Variants in UNC13C observed in about 807,000 individuals in gnomAD.
UNC13C encodes protein unc-13 homolog C.
A neutral mutation model predicts 245.4 loss-of-function variants in UNC13C; 174 were observed. The ratio of observed to expected loss-of-function variants is 0.71; its 90% CI spans 0.63 to 0.80. The LOEUF is 0.80. Ranked by LOEUF, UNC13C falls within the 30% of genes least tolerant of loss-of-function variation. The pLI, the probability that UNC13C is intolerant of heterozygous loss-of-function variation, is 0.00. For synonymous variants in UNC13C, 992 were observed against 895.1 expected, an observed-to-expected ratio of 1.11 and a Z score of -1.93; for missense variants, 2,829 against 2,602.9, an observed-to-expected ratio of 1.09 and a Z score of -1.89.
the UNC13C span, among the ~76,000 whole-genome samples, chr15:53,879,582 C>T: frequency 4.0e-5 from 6 of 151,762 alleles, no homozygotes; most frequent in African/African-American, 1.5e-4. Context: ...TAAGTAAATG[C>T]TAATTCTCTC....
chr15:54,158,325 CT>C (rs942870162), intron 4 of UNC13C, among the ~76,000 whole-genome samples: 3 of 151,774 alleles, frequency 2.0e-5, no homozygotes, highest in South Asian at 2.1e-4. Context: ...GTCATTTACT[CT>C]TTTTTTTAAT....
At chr15:54,078,314 T>C (rs899620346) in intron 2 of UNC13C, among the ~76,000 whole-genome samples, 27 of 152,216 alleles carry the variant, frequency 1.8e-4, no homozygotes, top group Non-Finnish European at 3.1e-4. Flanking sequence ...CCGGCTATAT[T>C]TTTTTATAGA....
chr15:54,321,877 C>T, intron 13 of UNC13C, 62 bp from the exon 14 acceptor site: 3 of 1,458,384 alleles, frequency 2.1e-6, no homozygotes, highest in Non-Finnish European at 2.8e-6. Context: ...GTTAGAAGCT[C>T]TGTTGTTGTA....
the UNC13C span, among the ~76,000 whole-genome samples, chr15:53,862,024 G>A: frequency 6.6e-6 from 1 of 152,056 alleles, no homozygotes; most frequent in African/African-American, 2.4e-5. Flanking sequence ...TGCTTGGGCT[G>A]CTATAACAAA....
At chr15:54,274,689 T>TTTTTTTTA (rs56875389) in intron 10 of UNC13C, among the ~76,000 whole-genome samples, 4 of 148,224 alleles carry the variant, frequency 2.7e-5, no homozygotes, top group East Asian at 2.0e-4. Context: ...TTTTTTTTTT[T>TTTTTTTTA]GAGACGGAGT....
At chr15:53,920,432 T>C in the UNC13C span, among the ~76,000 whole-genome samples, 1 of 152,096 alleles carries the variant, frequency 6.6e-6, no homozygotes, top group Admixed American at 6.5e-5. Context: ...TGTGTGCCTG[T>C]AATCTCAGCT....
chr15:54,123,928 T>C (rs2030854206), intron 2 of UNC13C, among the ~76,000 whole-genome samples: 2 of 152,188 alleles, frequency 1.3e-5, no homozygotes, highest in South Asian at 4.1e-4. Context: ...TCCATGACTA[T>C]TATATAAATG....
chr15:54,114,138 G>A (rs998112775), intron 2 of UNC13C, among the ~76,000 whole-genome samples: 1 of 151,692 alleles, frequency 6.6e-6, no homozygotes, highest in African/African-American at 2.4e-5. Flanking sequence ...TAGAAAGCAT[G>A]ATGTTACCTC....
At position 54,628,461 on chromosome 15, in the gene UNC13C, G is replaced by A. The variant is rs773313369; in HGVS notation, c.*1348G>A. 13 of 152,574 alleles carry A rather than the reference G, an allele frequency of 8.5e-5. No homozygotes were observed. The highest frequency in any genetic ancestry group is 2.0e-4 in the Admixed American group (3 of 15,258). The allele number at this position is 152,574 out of a possible 1,614,324, so 9.5% of individuals were successfully genotyped here. On this transcript the variant is annotated 3_prime_UTR_variant, in exon 33 of 33. Coordinates refer to ENST00000260323, the MANE Select transcript of UNC13C (RefSeq NM_001080534.3). ...TGACTGTCAGAACCATTCTGCAACT[G>A]AGTATGAAATCACAGACCAGTGAGG...
intron 10 of UNC13C, among the ~76,000 whole-genome samples, chr15:54,271,473 C>T (rs1304891642): frequency 6.6e-6 from 1 of 152,160 alleles, no homozygotes; most frequent in Non-Finnish European, 1.5e-5. Context: ...ACAAGTAAGT[C>T]TCTCTCAGTG....
the UNC13C span, among the ~76,000 whole-genome samples, chr15:53,904,542 C>T: frequency 6.6e-6 from 1 of 152,024 alleles, no homozygotes; most frequent in Non-Finnish European, 1.5e-5. Context: ...TGTTTGCCTC[C>T]AGGTCATGAG....
intron 17 of UNC13C, among the ~76,000 whole-genome samples, chr15:54,381,015 A>G (rs1268506248): frequency 6.6e-6 from 1 of 152,122 alleles, no homozygotes; most frequent in Non-Finnish European, 1.5e-5. Context: ...TTTTGGGATC[A>G]CATCCAAAAA....
intron 19 of UNC13C, among the ~76,000 whole-genome samples, chr15:54,455,203 CTCTATATATATATATA>C (rs1749405779): frequency 7.3e-5 from 2 of 27,324 alleles, no homozygotes; most frequent in African/African-American, 1.2e-4. Context: ...CTCTCTCTCT[CTCTATATATATATATA>C]TATATATATA....
intron 30 of UNC13C, among the ~76,000 whole-genome samples, chr15:54,603,008 CT>C (rs1278774969): frequency 6.7e-6 from 1 of 149,274 alleles, no homozygotes; most frequent in Non-Finnish European, 1.5e-5. Context: ...CACAAAGGCT[CT>C]GGTGCATCTG....
intron 17 of UNC13C, among the ~76,000 whole-genome samples, chr15:54,351,920 G>T (rs1267560893): frequency 1.3e-5 from 2 of 151,938 alleles, no homozygotes; most frequent in Non-Finnish European, 2.9e-5. Context: ...CTCTACTTCA[G>T]AGGTAGTAGA....
chr15:54,326,710 A>G (rs533106041), intron 14 of UNC13C, among the ~76,000 whole-genome samples: 18 of 152,070 alleles, frequency 1.2e-4, no homozygotes, highest in African/African-American at 4.3e-4. Flanking sequence ...TTGTGGGAGG[A>G]ACATATTAAT....
rs572244434 is a variant in UNC13C, at chr15:54,013,717, C to T, written c.814C>T (p.His272Tyr). ...ACGAGGGCACGTCAATGCTCTCAAG[C>T]ACTCCATCGATGAGATCTCCAGCAG... ...ELRGHVNALK[H>Y]SIDEISSSVE... The change falls in exon 2 of 33, where the codon CAC becomes TAC. Residue 272 changes from histidine (H) to tyrosine (Y), a missense_variant. His to Tyr is a moderately conservative substitution (Grantham distance 83). Transcript: ENST00000260323. 1.1e-5 allele frequency: 17 copies of T among 1,613,006 alleles called. No homozygotes were observed. The highest frequency in any genetic ancestry group is 1.6e-4 in the Middle Eastern group (1 of 6,080).
chr15:53,930,632 G>C, the UNC13C span, among the ~76,000 whole-genome samples: 1 of 152,150 alleles, frequency 6.6e-6, no homozygotes, highest in African/African-American at 2.4e-5. Context: ...GGGAAAAATT[G>C]TTCCTCAGTA....
intron 30 of UNC13C, among the ~76,000 whole-genome samples, chr15:54,580,188 T>A (rs1252701201): frequency 6.6e-6 from 1 of 152,234 alleles, no homozygotes; most frequent in East Asian, 1.9e-4. Flanking sequence ...TCAGTGGCGT[T>A]AATTGGAAAC....
Sources: allele counts gnomAD v4.1 joint callset (sites outside exome capture counted in the v4.1 genomes callset), GRCh38; gene constraint gnomAD v4.1.1; transcripts MANE v1.5; gene names NCBI Gene and HGNC (gene_info 2026-07-23, HGNC 2026-07-21).